The following CPT1A variants were observed in gnomAD, a reference collection of about 807,000 sequenced individuals.
CPT1A encodes the protein carnitine O-palmitoyltransferase 1, liver isoform.
Under a neutral mutation model 100.8 loss-of-function variants are expected in CPT1A, and 64 were observed. The observed-to-expected ratio is 0.63, with a 90% CI of 0.52 to 0.78. CPT1A has a LOEUF of 0.78. Among genes scored for constraint, CPT1A ranks in the 30% least tolerant of loss-of-function variants. The probability of loss-of-function intolerance (pLI) is 0.00; values close to 1 mark genes in which losing one functional copy is unlikely to be tolerated. For synonymous variants in CPT1A, 363 were observed against 396.0 expected (o/e 0.92, Z 0.99); for missense variants, 802 against 1,034.1 (o/e 0.78, Z 3.08).
chr11:68,815,567 C>A, intron 1 of CPT1A, 80 bp from the exon 2 acceptor site: 1 of 1,391,168 alleles, frequency 7.2e-7, no homozygotes, highest in East Asian at 2.3e-5. Context: ...AGTGCCATTC[C>A]TTCTGAACTT....
chr11:68,841,620 C>CG lies in CPT1A; in HGVS notation c.-14+154dup, dbSNP rs1017581992. On this transcript the variant is annotated intron_variant, in intron 1 of 18. Coordinates refer to ENST00000265641, the MANE Select transcript of CPT1A (RefSeq NM_001876.4). This position sits in a 1 kb window ranked among gnomAD's most constrained non-coding sequence, Gnocchi z 6.3. ...TCAGGATCTCCACAACCCCGCCGTC[C>CG]GGGGGGAATACCGGGGTTCCTCTCG... Among the ~76,000 whole-genome samples, 1 of 152,086 alleles carries CG rather than the reference C, an allele frequency of 6.6e-6. No individual in the cohort carries two copies. The highest frequency in any genetic ancestry group is 1.5e-5 in the Non-Finnish European group (1 of 67,982).
At chr11:68,806,201 G>A (rs1218833787) in intron 4 of CPT1A, among the ~76,000 whole-genome samples, 1 of 151,918 alleles carries the variant, frequency 6.6e-6, no homozygotes, top group Admixed American at 6.6e-5. Context: ...GCTAATTTTT[G>A]TATTTTTAGT....
chr11:68,759,742 C>CA (rs1317187408), intron 17 of CPT1A, 81 bp from the exon 18 acceptor site: 1 of 1,051,516 alleles, frequency 9.5e-7, no homozygotes. Flanking sequence ...CTAAATGCAA[C>CA]ACTGGCGGGG....
chr11:68,766,534 G>A (rs184511078), intron 14 of CPT1A, among the ~76,000 whole-genome samples: 151 of 151,608 alleles, frequency 1.0e-3, no homozygotes, highest in African/African-American at 3.4e-3. Flanking sequence ...CGCCCATGCC[G>A]GAGTGCAGTG....
chr11:68,813,680 G>C (rs1856288730), intron 2 of CPT1A, among the ~76,000 whole-genome samples: 1 of 140,414 alleles, frequency 7.1e-6, no homozygotes, highest in African/African-American at 2.6e-5. Context: ...CTGAGCAACA[G>C]AGCAAGACCC....
At chr11:68,844,202 T>C (rs1445457223), upstream of CPT1A, 1 of 152,266 alleles carries the variant, frequency 6.6e-6, no homozygotes, top group Non-Finnish European at 1.5e-5. Flanking sequence ...GGCCTGCAAC[T>C]GCAGCCGCAC....
intron 3 of CPT1A, 30 bp downstream of exon 3, chr11:68,812,407 G>A: frequency 6.2e-7 from 1 of 1,613,896 alleles, no homozygotes; most frequent in South Asian, 1.1e-5. Flanking sequence ...TAACTTCCCA[G>A]ACAATTGGAG....
At chr11:68,807,182 G>A (rs560402084) in intron 4 of CPT1A, among the ~76,000 whole-genome samples, 4 of 152,132 alleles carry the variant, frequency 2.6e-5, no homozygotes, top group South Asian at 4.2e-4. Context: ...ACAAAGAACC[G>A]GATGGACAGC....
At chr11:68,790,696 G>T (rs567749575) in intron 9 of CPT1A, among the ~76,000 whole-genome samples, 1 of 152,302 alleles carries the variant, frequency 6.6e-6, no homozygotes, top group East Asian at 1.9e-4. Flanking sequence ...TCCAGTTTGT[G>T]GTCATTTATT....
chr11:68,840,577 T>G (rs1404926709), intron 1 of CPT1A, among the ~76,000 whole-genome samples: 1 of 152,174 alleles, frequency 6.6e-6, no homozygotes. Flanking sequence ...CTGTGCCGAG[T>G]TGGGAATATT....
intron 5 of CPT1A, among the ~76,000 whole-genome samples, chr11:68,802,918 A>C (rs1855943771): frequency 6.6e-6 from 1 of 151,160 alleles, no homozygotes; most frequent in Non-Finnish European, 1.5e-5. Context: ...AAAAAAAAAA[A>C]AAGAAAATGA....
chr11:68,810,616 C>T (rs897972718), intron 3 of CPT1A, among the ~76,000 whole-genome samples: 1 of 152,168 alleles, frequency 6.6e-6, no homozygotes, highest in Non-Finnish European at 1.5e-5. Flanking sequence ...AAAAGAGGTT[C>T]AGGAATCAGG....
intron 9 of CPT1A, among the ~76,000 whole-genome samples, chr11:68,792,925 G>A (rs1477376691): frequency 2.6e-5 from 4 of 152,190 alleles, no homozygotes; most frequent in Admixed American, 2.0e-4. Flanking sequence ...GCATGTGCCT[G>A]TGGTCTCAGC....
intron 7 of CPT1A, among the ~76,000 whole-genome samples, chr11:68,795,527 CG>C (rs1437202361): frequency 6.6e-6 from 1 of 151,762 alleles, no homozygotes; most frequent in Non-Finnish European, 1.5e-5. Flanking sequence ...ACTACACTAA[CG>C]GTTTTTCTTT....
chr11:68,787,431 CAAAAAAAAA>C (rs773513607), intron 9 of CPT1A, among the ~76,000 whole-genome samples: 32 of 106,798 alleles, frequency 3.0e-4, no homozygotes, highest in African/African-American at 1.1e-3. Context: ...GACTCTGTCT[CAAAAAAAAA>C]AAAAAAAGAA....
intron 1 of CPT1A, among the ~76,000 whole-genome samples, chr11:68,836,271 T>A (rs1267046862): frequency 1.3e-5 from 2 of 150,896 alleles, no homozygotes; most frequent in East Asian, 3.9e-4. Context: ...AGGCCAGGAG[T>A]TCAAGACCAG....
At chr11:68,805,446 G>A (rs1179168119) in intron 4 of CPT1A, among the ~76,000 whole-genome samples, 1 of 149,118 alleles carries the variant, frequency 6.7e-6, no homozygotes, top group South Asian at 2.1e-4. Flanking sequence ...GCAAGATGCT[G>A]TCTCAAAAAA....
intron 14 of CPT1A, among the ~76,000 whole-genome samples, chr11:68,763,131 G>A (rs1854678902): frequency 6.6e-6 from 1 of 152,296 alleles, no homozygotes; most frequent in Non-Finnish European, 1.5e-5. Context: ...TTACAGGTGT[G>A]AGCCACTGTG....
At chr11:68,840,965 C>G (rs998153827) in intron 1 of CPT1A, among the ~76,000 whole-genome samples, 1 of 152,146 alleles carries the variant, frequency 6.6e-6, no homozygotes, top group South Asian at 2.1e-4. Flanking sequence ...CAGCGCTGCA[C>G]GGGAGAGGCT....
Sources: gnomAD v4.1 joint callset for allele counts (sites outside exome capture counted in the v4.1 genomes callset) on GRCh38, gnomAD v4.1.1 for gene constraint, Gnocchi (gnomAD v3.1) non-coding constraint, MANE v1.5 for transcripts, NCBI Gene and HGNC (gene_info 2026-07-23, HGNC 2026-07-21) for gene names.